The following SPRY3 variants were observed in gnomAD, a reference collection of about 807,000 sequenced individuals.
SPRY3 encodes the protein protein sprouty homolog 3.
Under a neutral mutation model 20.2 loss-of-function variants are expected in SPRY3, and 15 were observed. That is an observed-to-expected ratio of 0.74 (90% CI 0.50 to 1.14). The LOEUF is 1.14. SPRY3 is among the 50% of genes most tolerant of loss of function. SPRY3 has a pLI of 0.00. For synonymous variants in SPRY3, 143 were observed against 136.5 expected (o/e 1.05, Z -0.33); for missense variants, 364 against 363.9 (o/e 1.00, Z 0.00).
At chrX:155,664,328 T>C (rs1221556830) in intron 2 of SPRY3, among the ~76,000 whole-genome samples, 1 of 109,614 alleles carries the variant, frequency 9.1e-6, no homozygotes, top group African/African-American at 3.3e-5. Flanking sequence ...ACAATAAATA[T>C]GGATTAAGGA....
At chrX:155,678,537 G>A (rs1196054949) in intron 2 of SPRY3, among the ~76,000 whole-genome samples, 1 of 111,297 alleles carries the variant, frequency 9.0e-6, no homozygotes. Flanking sequence ...GTGTTTCTTC[G>A]CCAGAGCTCC....
chrX:155,729,980 A>G (rs993853028), intron 2 of SPRY3, among the ~76,000 whole-genome samples: 1 of 152,184 alleles, frequency 6.6e-6, no homozygotes, highest in Non-Finnish European at 1.5e-5. Flanking sequence ...TCCTGGACAC[A>G]TACAACCTAC....
intron 2 of SPRY3, among the ~76,000 whole-genome samples, chrX:155,767,111 A>C (rs1231319316): frequency 1.3e-5 from 2 of 151,982 alleles, no homozygotes; most frequent in African/African-American, 4.8e-5. Flanking sequence ...TTACCCAGGG[A>C]CCGGATACAG....
intron 1 of SPRY3, among the ~76,000 whole-genome samples, chrX:155,620,222 T>A (rs2067866797): frequency 9.0e-6 from 1 of 111,550 alleles, no homozygotes; most frequent in African/African-American, 3.3e-5. Context: ...TCTTATAAAG[T>A]TAAACACACT....
At chrX:155,782,056 C>T (rs1390894450) in exon 2 of SPRY3, 1 of 166,954 alleles carries the variant, frequency 6.0e-6, no homozygotes, top group East Asian at 1.9e-4. Flanking sequence ...CCCAGGGTTT[C>T]AATGGAACTC....
At chrX:155,750,192 A>G (rs2091254289) in intron 2 of SPRY3, among the ~76,000 whole-genome samples, 1 of 151,978 alleles carries the variant, frequency 6.6e-6, no homozygotes, top group Non-Finnish European at 1.5e-5. Context: ...AAAACCAAAT[A>G]CCACATGTTC....
chrX:155,648,101 T>G (rs2067963682), intron 1 of SPRY3, among the ~76,000 whole-genome samples: 1 of 112,536 alleles, frequency 8.9e-6, no homozygotes, highest in African/African-American at 3.2e-5. Context: ...ATAAATGTCT[T>G]CTTTTGAAAA....
At chrX:155,775,788 A>C (rs775715035) in exon 4 of SPRY3, 1 of 167,108 alleles carries the variant, frequency 6.0e-6, no homozygotes, top group Non-Finnish European at 1.5e-5. Context: ...TAAATGAACA[A>C]AGCAAAGGAT....
At chrX:155,743,112 C>T (rs769574144) in intron 2 of SPRY3, among the ~76,000 whole-genome samples, 1 of 152,192 alleles carries the variant, frequency 6.6e-6, no homozygotes, top group African/African-American at 2.4e-5. Context: ...CAAATAGACA[C>T]AATCAGAAAT....
chrX:155,644,406 C>A lies in SPRY3; in HGVS notation c.-440-12461C>A, dbSNP rs139329344. 6.8e-3 allele frequency among the ~76,000 whole-genome samples: 752 copies of A among 110,252 alleles called. 6 individuals are homozygous for A. Among genetic ancestry groups the A allele is most frequent in the African/African-American group, 0.023 (712 of 30,374 alleles). ...ATCAGAAGATGGCAAAGCCAGCCAG[C>A]CCTGTGTTTTTCCTTTCAGGGCAGT... On this transcript the variant is annotated intron_variant, in intron 1 of 3. Coordinates refer to ENST00000675360, the Ensembl canonical transcript of SPRY3.
intron 2 of SPRY3, among the ~76,000 whole-genome samples, chrX:155,698,823 A>C (rs940163101): frequency 1.8e-5 from 2 of 112,123 alleles, no homozygotes; most frequent in African/African-American, 6.5e-5. Flanking sequence ...TTAATACGGA[A>C]TGGCTATCAA....
At chrX:155,768,237 G>A (rs1316109670) in intron 3 of SPRY3, 101 bp downstream of exon 2, 1 of 52 alleles carries the variant, frequency 0.019, no homozygotes, top group Non-Finnish European at 0.038. Flanking sequence ...CTGTGTGCGT[G>A]TGTGTGCCGC....
At chrX:155,768,317 A>C (rs1410643253) in intron 3 of SPRY3, among the ~76,000 whole-genome samples, 181 bp downstream of exon 2, 2 of 152,220 alleles carry the variant, frequency 1.3e-5, no homozygotes, top group African/African-American at 2.4e-5. Context: ...TATTTAAATA[A>C]ATCGGCTCTC....
intron 2 of SPRY3, among the ~76,000 whole-genome samples, chrX:155,668,697 A>G (rs1320700223): frequency 9.1e-6 from 1 of 110,284 alleles, no homozygotes; most frequent in Non-Finnish European, 1.9e-5. Flanking sequence ...TCCTAGAGGA[A>G]CTTCCTCTCC....
At chrX:155,767,256 A>G (rs116198897) in intron 2 of SPRY3, among the ~76,000 whole-genome samples, 12,504 of 151,682 alleles carry the variant, frequency 0.082, 957 homozygotes, top group African/African-American at 0.21. Flanking sequence ...AATTATAACG[A>G]GGAGCAATAA....
intron 2 of SPRY3, among the ~76,000 whole-genome samples, chrX:155,688,719 A>G (rs1279482616): frequency 1.9e-5 from 2 of 107,283 alleles, no homozygotes; most frequent in African/African-American, 3.5e-5. Flanking sequence ...TCTGGGGTAC[A>G]TGGGCAGGAT....
intron 2 of SPRY3, among the ~76,000 whole-genome samples, chrX:155,755,416 A>G (rs1029202643): frequency 6.6e-6 from 1 of 152,022 alleles, no homozygotes; most frequent in African/African-American, 2.4e-5. Context: ...GTAGTGTGGC[A>G]TGGGAGTTGA....
exon 4 of SPRY3, chrX:155,774,172 G>A: frequency 1.9e-6 from 3 of 1,613,946 alleles, no homozygotes; most frequent in Non-Finnish European, 2.5e-6. Context: ...AAGGCTCTTG[G>A]CCAGCATTAC....
At chrX:155,632,219 CCACACACACACA>C (rs55865452) in intron 1 of SPRY3, among the ~76,000 whole-genome samples, 4 of 98,644 alleles carry the variant, frequency 4.1e-5, no homozygotes, top group Admixed American at 2.3e-4. Context: ...TCCACAGCCA[CCACACACACACA>C]CACACACACA....
Sources: gnomAD v4.1 joint callset for allele counts (sites outside exome capture counted in the v4.1 genomes callset) on GRCh38, gnomAD v4.1.1 for gene constraint, MANE v1.5 for transcripts, NCBI Gene and HGNC (gene_info 2026-07-23, HGNC 2026-07-21) for gene names.